The following MPHOSPH10 variants were observed in gnomAD, a reference collection of about 807,000 sequenced individuals.
MPHOSPH10 encodes the protein U3 small nucleolar ribonucleoprotein MPP10.
Under a neutral mutation model 77.3 loss-of-function variants are expected in MPHOSPH10, and 33 were observed. That is an observed-to-expected ratio of 0.43 (90% CI 0.32 to 0.57). MPHOSPH10 has a LOEUF of 0.57. Among genes scored for constraint, MPHOSPH10 ranks in the 20% least tolerant of loss-of-function variants. The probability of loss-of-function intolerance (pLI) is 0.07; values close to 1 mark genes in which losing one functional copy is unlikely to be tolerated. For synonymous variants in MPHOSPH10, 245 were observed against 268.0 expected, an observed-to-expected ratio of 0.91 and a Z score of 0.84; for missense variants, 708 against 780.1, an observed-to-expected ratio of 0.91 and a Z score of 1.10.
At chr2:71,135,006 A>C (rs1362319341) in intron 4 of MPHOSPH10, among the ~76,000 whole-genome samples, 1 of 152,162 alleles carries the variant, frequency 6.6e-6, no homozygotes, top group Non-Finnish European at 1.5e-5. Context: ...GTCTCTACCA[A>C]AAATACAAAA....
chr2:71,139,854 A>C lies in MPHOSPH10; in HGVS notation c.1300A>C (p.Arg434=). The C allele has an allele frequency of 6.2e-7, 1 of 1,600,710 alleles. No individual in the cohort carries two copies. The highest frequency in any genetic ancestry group is 8.5e-7 in the Non-Finnish European group (1 of 1,172,756). ...QLEDIIKQRI[R]DQAWDDVVRK... ...GGAAGATATCATTAAACAGAGGATA[A>C]GAGATCAGGTCAGTAAGAATTAAAT... Residue 434 remains arginine, a synonymous_variant, in exon 6 of 11, where the codon AGA becomes CGA. Coordinates refer to ENST00000244230, the MANE Select transcript of MPHOSPH10 (RefSeq NM_005791.3).
chr2:71,140,916 A>G (rs1018444241), intron 6 of MPHOSPH10, among the ~76,000 whole-genome samples: 1 of 152,206 alleles, frequency 6.6e-6, no homozygotes, highest in Non-Finnish European at 1.5e-5. Context: ...GTTGGTAACC[A>G]GGTAGGAAGA....
In MPHOSPH10 at chr2:71,133,410, A is replaced by G. The variant is rs1558752235; in HGVS notation, c.602A>G (p.Asp201Gly). 3 of 1,614,132 alleles carry G rather than the reference A, an allele frequency of 1.9e-6. No homozygotes were observed. The highest frequency in any genetic ancestry group is 1.7e-5 in the Admixed American group (1 of 60,016). ...AAACCAAGAGAAAAGTCCATAGTAG[A>G]TGATAAATTCTTCAAACTCTCTGAA... is the stretch of plus-strand genomic sequence containing the variant. ...QGKPREKSIV[D>G]DKFFKLSEME... The change falls in exon 2 of 11, where the codon GAT becomes GGT. Residue 201 changes from aspartate (D) to glycine (G), a missense_variant. Around this residue, in one of 3 missense-constraint regions of MPHOSPH10, gnomAD observed 433 missense variants for 432.6 expected, o/e 1.00. Coordinates refer to ENST00000244230, the MANE Select transcript of MPHOSPH10 (RefSeq NM_005791.3).
intron 8 of MPHOSPH10, among the ~76,000 whole-genome samples, chr2:71,147,169 G>A (rs978075976): frequency 1.3e-5 from 2 of 152,114 alleles, no homozygotes; most frequent in African/African-American, 4.8e-5. Flanking sequence ...TCTTGTTCCC[G>A]TAAGCATCTT....
At chr2:71,136,580 T>C (rs1412392546) in intron 4 of MPHOSPH10, among the ~76,000 whole-genome samples, 1 of 151,812 alleles carries the variant, frequency 6.6e-6, no homozygotes, top group African/African-American at 2.4e-5. Context: ...AAAAGAATTG[T>C]TTTTAAAATC....
At chr2:71,135,362 A>G (rs1330274970) in intron 4 of MPHOSPH10, among the ~76,000 whole-genome samples, 2 of 149,596 alleles carry the variant, frequency 1.3e-5, no homozygotes, top group East Asian at 4.0e-4. Context: ...CCTGGCTAAC[A>G]TGGTAAAACC....
At chr2:71,148,819 GTC>G (rs1405000435) in intron 9 of MPHOSPH10, 1 of 202,806 alleles carries the variant, frequency 4.9e-6, no homozygotes, top group Non-Finnish European at 1.0e-5. Flanking sequence ...CTGTTCCTTG[GTC>G]TCTGCCCTCT....
chr2:71,145,878 C>T (rs770393993), intron 8 of MPHOSPH10, among the ~76,000 whole-genome samples: 2 of 152,202 alleles, frequency 1.3e-5, no homozygotes, highest in Non-Finnish European at 2.9e-5. Flanking sequence ...ATGGCTGGCT[C>T]CTTATTGCCC....
At position 71,132,980 on chromosome 2, in the gene MPHOSPH10, A is replaced by T; in HGVS notation, c.172A>T (p.Ile58Phe). ...TAATAAAATATTAGAGAATGGTAGG[A>T]TCCATGGAAGCCCCTTGCAAAAACT... is the stretch of plus-strand genomic sequence containing the variant. Reference protein sequence around the residue: ...DFNKILENGRIHGSPLQKLVI... With the variant: ...DFNKILENGRFHGSPLQKLVI... Residue 58 changes from isoleucine (I) to phenylalanine (F), a missense_variant, in exon 2 of 11, where the codon ATC (isoleucine) becomes TTC (phenylalanine). Physicochemically the swap from Ile to Phe is conservative, Grantham distance 21. Around this residue, in one of 3 missense-constraint regions of MPHOSPH10, gnomAD observed 433 missense variants for 432.6 expected, o/e 1.00. Coordinates refer to ENST00000244230, the MANE Select transcript of MPHOSPH10 (RefSeq NM_005791.3). 6.2e-7 allele frequency: 1 copy of T among 1,614,160 alleles called. No individual in the cohort carries two copies. The highest frequency in any genetic ancestry group is 1.1e-5 in the South Asian group (1 of 91,086).
intron 7 of MPHOSPH10, 69 bp from the exon 8 acceptor site, chr2:71,144,359 C>T (rs1673669135): frequency 8.8e-7 from 1 of 1,133,084 alleles, no homozygotes; most frequent in Non-Finnish European, 1.3e-6. Context: ...CTCTCATTGA[C>T]CTTTAGTGTT....
At chr2:71,133,924 G>T in intron 2 of MPHOSPH10, 24 bp from the exon 3 acceptor site, 1 of 1,441,752 alleles carries the variant, frequency 6.9e-7, no homozygotes, top group Non-Finnish European at 9.4e-7. Context: ...CTAATTAATA[G>T]TTTTTAATAT....
At chr2:71,148,360 T>C (rs1392107479) in intron 9 of MPHOSPH10, 1 of 352,958 alleles carries the variant, frequency 2.8e-6, no homozygotes, top group Non-Finnish European at 5.2e-6. Flanking sequence ...CAATATCTTA[T>C]TATAATCCAA....
At chr2:71,142,850 A>G (rs1673636353) in intron 7 of MPHOSPH10, among the ~76,000 whole-genome samples, 1 of 152,238 alleles carries the variant, frequency 6.6e-6, no homozygotes, top group South Asian at 2.1e-4. Context: ...CAAAGAGCCT[A>G]TCGTTTCCTA....
chr2:71,140,327 T>C (rs1307833461), intron 6 of MPHOSPH10, among the ~76,000 whole-genome samples: 1 of 152,156 alleles, frequency 6.6e-6, no homozygotes, highest in African/African-American at 2.4e-5. Context: ...CCAGTGGGGA[T>C]TCCGCAGAGT....
chr2:71,133,418 T>C lies in MPHOSPH10; in HGVS notation c.610T>C (p.Phe204Leu), dbSNP rs746803782. 6.2e-7 allele frequency: 1 copy of C among 1,614,050 alleles called. No homozygotes were observed. The highest frequency in any genetic ancestry group is 8.5e-7 in the Non-Finnish European group (1 of 1,179,984). ...AGAAAAGTCCATAGTAGATGATAAA[T>C]TCTTCAAACTCTCTGAAATGGAGGC... is the stretch of plus-strand genomic sequence containing the variant. ...PREKSIVDDK[F>L]FKLSEMEAYL... Residue 204 changes from phenylalanine (F) to leucine (L), a missense_variant, in exon 2 of 11, where the codon TTC becomes CTC. Around this residue, in one of 3 missense-constraint regions of MPHOSPH10, gnomAD observed 433 missense variants for 432.6 expected, o/e 1.00. Transcript: ENST00000244230.
intron 8 of MPHOSPH10, among the ~76,000 whole-genome samples, chr2:71,147,019 ATT>A (rs1673722280): frequency 6.6e-6 from 1 of 152,202 alleles, no homozygotes. Context: ...TTAACATTGC[ATT>A]CTTTCCCCCT....
chr2:71,137,233 T>TC (rs1673514072), intron 4 of MPHOSPH10, among the ~76,000 whole-genome samples: 1 of 152,104 alleles, frequency 6.6e-6, no homozygotes, highest in Non-Finnish European at 1.5e-5. Context: ...TCATGCATGA[T>TC]GCATGCATCA....
chr2:71,135,685 C>A (rs1467517169), intron 4 of MPHOSPH10, among the ~76,000 whole-genome samples: 1 of 148,834 alleles, frequency 6.7e-6, no homozygotes, highest in Non-Finnish European at 1.5e-5. Flanking sequence ...CCACATATGT[C>A]TTTTCTTTTT....
At chr2:71,149,020 T>C (rs1398496195) in intron 9 of MPHOSPH10, 2 of 604,966 alleles carry the variant, frequency 3.3e-6, no homozygotes, top group Non-Finnish European at 5.9e-6. Context: ...TAAGAGTCTG[T>C]GCCTGTCAAA....
Sources: gnomAD v4.1 joint callset for allele counts (sites outside exome capture counted in the v4.1 genomes callset) on GRCh38, gnomAD v4.1.1 for gene constraint, gnomAD v4.1.1 regional missense constraint, MANE v1.5 for transcripts, NCBI Gene and HGNC (gene_info 2026-07-23, HGNC 2026-07-21) for gene names.